LAMA2: variants seen among roughly 807,000 people sequenced by gnomAD.
The protein encoded by LAMA2 is laminin subunit alpha-2.
In LAMA2, 269 loss-of-function variants were observed where a neutral mutation model predicts 364.8. The observed-to-expected ratio is 0.74, with a 90% CI of 0.67 to 0.82. The LOEUF (loss-of-function observed/expected upper bound fraction) is 0.82, where lower values mean the gene tolerates loss of function less well. Ranked by LOEUF, LAMA2 falls within the 40% of genes least tolerant of loss-of-function variation. The pLI, the probability that LAMA2 is intolerant of heterozygous loss-of-function variation, is 0.00. For synonymous variants in LAMA2, 1,379 were observed against 1,370.6 expected (o/e 1.01, Z -0.14); for missense variants, 3,807 against 3,873.2 (o/e 0.98, Z 0.45).
chr6:128,907,680 G>C (rs1710384731), intron 1 of LAMA2, among the ~76,000 whole-genome samples: 1 of 152,112 alleles, frequency 6.6e-6, no homozygotes, highest in African/African-American at 2.4e-5. Flanking sequence ...TATTGAATAG[G>C]AGTGGTGAGA....
At chr6:129,070,473 A>G (rs1270958673) in intron 3 of LAMA2, among the ~76,000 whole-genome samples, 4 of 152,124 alleles carry the variant, frequency 2.6e-5, no homozygotes, top group South Asian at 4.1e-4. Flanking sequence ...TTAGCACTTT[A>G]TGGACATTAA....
intron 1 of LAMA2, among the ~76,000 whole-genome samples, chr6:128,968,842 G>A (rs1347215853): frequency 2.6e-5 from 4 of 152,130 alleles, no homozygotes; most frequent in African/African-American, 7.2e-5. Flanking sequence ...GTCAGATCAC[G>A]TGGGACCTTG....
chr6:129,279,481 T>TA (rs2114388328), intron 17 of LAMA2, among the ~76,000 whole-genome samples: 1 of 152,292 alleles, frequency 6.6e-6, no homozygotes, highest in East Asian at 1.9e-4. Context: ...AGGTTTATGA[T>TA]AAGTTTAGGT....
At chr6:129,159,888 C>T (rs1027306705) in intron 8 of LAMA2, among the ~76,000 whole-genome samples, 3 of 152,036 alleles carry the variant, frequency 2.0e-5, no homozygotes, top group African/African-American at 7.2e-5. Flanking sequence ...ATTCTGTTAA[C>T]GGGGACAATT....
At chr6:129,090,723 G>A (rs1774765371) in intron 3 of LAMA2, among the ~76,000 whole-genome samples, 2 of 152,016 alleles carry the variant, frequency 1.3e-5, no homozygotes, top group African/African-American at 4.8e-5. Context: ...TCTGATTCAG[G>A]GTTCATATTT....
At chr6:129,244,464 G>T (rs1785609723) in intron 12 of LAMA2, among the ~76,000 whole-genome samples, 1 of 152,052 alleles carries the variant, frequency 6.6e-6, no homozygotes, top group South Asian at 2.1e-4. Flanking sequence ...TGACAGATAT[G>T]TTTAATTTAT....
At chr6:128,909,660 T>C (rs1316651796) in intron 1 of LAMA2, among the ~76,000 whole-genome samples, 11 of 150,182 alleles carry the variant, frequency 7.3e-5, no homozygotes, top group African/African-American at 2.7e-4. Flanking sequence ...TTGTTATGTG[T>C]GAATTTGATC....
intron 1 of LAMA2, among the ~76,000 whole-genome samples, chr6:128,928,751 G>A (rs547260447): frequency 1.1e-4 from 16 of 152,342 alleles, no homozygotes; most frequent in Middle Eastern, 3.4e-3. Context: ...ACAAAGCCAA[G>A]TCCATACATT....
chr6:129,186,097 G>T (rs1781212678), intron 10 of LAMA2, among the ~76,000 whole-genome samples: 1 of 151,650 alleles, frequency 6.6e-6, no homozygotes, highest in African/African-American at 2.4e-5. Flanking sequence ...CAGTAGGAAT[G>T]CTGAGAGGTT....
chr6:129,201,995 C>T (rs1782318189), intron 12 of LAMA2, among the ~76,000 whole-genome samples: 1 of 151,914 alleles, frequency 6.6e-6, no homozygotes, highest in Non-Finnish European at 1.5e-5. Context: ...CAAGACCAGC[C>T]TGGCCAATAT....
At chr6:129,325,793 C>T (rs767500149) in intron 28 of LAMA2, among the ~76,000 whole-genome samples, 3 of 152,014 alleles carry the variant, frequency 2.0e-5, no homozygotes, top group Non-Finnish European at 4.4e-5. Context: ...TCAAGGCTTC[C>T]CTATTCATTC....
intron 12 of LAMA2, among the ~76,000 whole-genome samples, chr6:129,231,594 A>G (rs1784672118): frequency 6.6e-6 from 1 of 152,086 alleles, no homozygotes; most frequent in Non-Finnish European, 1.5e-5. Flanking sequence ...TTGACATTGA[A>G]TTGTTCTAGG....
intron 1 of LAMA2, among the ~76,000 whole-genome samples, chr6:128,968,024 C>G (rs551023906): frequency 1.1e-4 from 17 of 152,278 alleles, no homozygotes; most frequent in African/African-American, 3.6e-4. Context: ...TTGCATTAAA[C>G]AGACCAATCA....
At chr6:128,948,351 C>A (rs568324660) in intron 1 of LAMA2, among the ~76,000 whole-genome samples, 1 of 152,236 alleles carries the variant, frequency 6.6e-6, no homozygotes, top group East Asian at 1.9e-4. Context: ...GGCTTAGTCA[C>A]TTCCCAGTTT....
chr6:129,406,158 T>G (rs985033712), intron 40 of LAMA2, among the ~76,000 whole-genome samples: 68 of 152,262 alleles, frequency 4.5e-4, no homozygotes, highest in African/African-American at 1.6e-3. Flanking sequence ...AGACAATGTT[T>G]AAAATCAACT....
chr6:129,082,460 T>C (rs1774125315), intron 3 of LAMA2, among the ~76,000 whole-genome samples: 1 of 152,154 alleles, frequency 6.6e-6, no homozygotes. Context: ...GCTAGTTCTC[T>C]AGTAGGCACC....
chr6:129,275,918 C>T (rs1162654906), intron 17 of LAMA2, among the ~76,000 whole-genome samples: 1 of 151,808 alleles, frequency 6.6e-6, no homozygotes, highest in Non-Finnish European at 1.5e-5. Context: ...TAAATCAAGT[C>T]TAATTAAGAA....
chr6:129,071,945 TG>T lies in LAMA2; in HGVS notation c.396+12051del, dbSNP rs1421511760. 2.6e-3 allele frequency among the ~76,000 whole-genome samples: 400 copies of T among 152,240 alleles called. 4 individuals are homozygous for T. The highest frequency in any genetic ancestry group is 9.2e-3 in the African/African-American group (381 of 41,536). On this transcript the variant is annotated intron_variant, in intron 3 of 64. Coordinates refer to ENST00000421865, the MANE Select transcript of LAMA2 (RefSeq NM_000426.4). ...AAGTTCAAGACCAGTGTGGGCAACG[TG>T]GTGAAACCTCATCTCTACCAAACAA...
At chr6:128,923,472 T>G (rs1778878343) in intron 1 of LAMA2, among the ~76,000 whole-genome samples, 1 of 152,030 alleles carries the variant, frequency 6.6e-6, no homozygotes, top group South Asian at 2.1e-4. Context: ...TCTGTTGTTT[T>G]AAGCCACCTA....
Sources: allele counts gnomAD v4.1 joint callset (sites outside exome capture counted in the v4.1 genomes callset), GRCh38; gene constraint gnomAD v4.1.1; transcripts MANE v1.5; gene names NCBI Gene and HGNC (gene_info 2026-07-23, HGNC 2026-07-21).